MYLK2: variants seen among roughly 807,000 people sequenced by gnomAD.
MYLK2 encodes the protein myosin light chain kinase 2, skeletal/cardiac muscle.
In MYLK2, 27 loss-of-function variants were observed where a neutral mutation model predicts 58.2. The observed-to-expected ratio is 0.46, with a 90% confidence interval of 0.34 to 0.64. The LOEUF (loss-of-function observed/expected upper bound fraction) is 0.64. Among genes scored for constraint, MYLK2 ranks in the 30% least tolerant of loss-of-function variants. MYLK2 has a pLI of 0.01. For synonymous variants in MYLK2, 310 were observed against 296.7 expected (o/e 1.04, Z -0.46); for missense variants, 676 against 764.3 (o/e 0.88, Z 1.36).
Position 31,826,954 on chromosome 20 carries a change from C to A in MYLK2, c.1224+16C>A. 6.2e-7 allele frequency: 1 copy of A among 1,613,976 alleles called. No individual in the cohort carries two copies. Among genetic ancestry groups the A allele is most frequent in the Non-Finnish European group, 8.5e-7 (1 of 1,179,982 alleles). On this transcript the variant is annotated intron_variant, in intron 8 of 12. Coordinates refer to ENST00000375985, the MANE Select transcript of MYLK2 (RefSeq NM_033118.4). ...GGACCTCAAGGTACCAGACTGGGGC[C>A]TCCTGGGAAGGGTCAGGGGCAGCCT...
At chr20:31,831,262 G>T in intron 10 of MYLK2, 121 bp downstream of exon 10, 2 of 1,442,590 alleles carry the variant, frequency 1.4e-6, no homozygotes, top group East Asian at 4.6e-5. Context: ...CTCAGTCAGG[G>T]GTTTGCTGGG....
chr20:31,826,439 T>G (rs1600410626), intron 6 of MYLK2, among the ~76,000 whole-genome samples, 166 bp from the exon 7 acceptor site: 15 of 132,838 alleles, frequency 1.1e-4, no homozygotes, highest in South Asian at 7.5e-4. Flanking sequence ...GACTTGGGAG[T>G]GGTGAGGACC....
In MYLK2 at chr20:31,834,316, A is replaced by G. The variant is rs889718539; in HGVS notation, c.*519A>G. The G allele has an allele frequency of 2.4e-5, 4 of 168,084 alleles. No individual in the cohort carries two copies. Among genetic ancestry groups the G allele is most frequent in the Admixed American group, 1.1e-4 (2 of 17,848 alleles). The allele number at this position is 168,084 out of a possible 1,614,324, so 10.4% of individuals were successfully genotyped here. ...CAGGGAAGACAGAGCAGGCTTTGTG[A>G]GAGAGGACCTCCATGCCCCCGCCAC... On this transcript the variant is annotated 3_prime_UTR_variant, in exon 13 of 13. Transcript: ENST00000375985.
At chr20:31,825,825 A>G (rs575558976) in intron 6 of MYLK2, among the ~76,000 whole-genome samples, 1 of 152,338 alleles carries the variant, frequency 6.6e-6, no homozygotes, top group Non-Finnish European at 1.5e-5. Flanking sequence ...GCCATTTCTC[A>G]TGGTGTAAGT....
chr20:31,828,790 A>T (rs1238660037), intron 8 of MYLK2: 2 of 919,588 alleles, frequency 2.2e-6, no homozygotes, highest in African/African-American at 1.8e-5. Context: ...GTGTGTTAAT[A>T]TCACTGCCAC....
At chr20:31,824,530 G>A in intron 6 of MYLK2, 178 bp downstream of exon 6, 1 of 985,438 alleles carries the variant, frequency 1.0e-6, no homozygotes, top group Non-Finnish European at 1.2e-6. Context: ...GGGGCCTGAG[G>A]ACCCTACCCA....
rs1214130440 is a variant in MYLK2 at position 31,824,347 on chromosome 20, G to T, written c.967G>T (p.Asp323Tyr). The T allele has an allele frequency of 8.7e-6, 14 of 1,611,530 alleles. No homozygotes were observed. Among genetic ancestry groups the T allele is most frequent in the Middle Eastern group, 1.6e-4 (1 of 6,082 alleles). ...GGTCATCAAGAAACAGACTCCCAAA[G>T]ACAAGGTAGTGAGGTTGCGGGGGTG... ...AKVIKKQTPK[D>Y]KEMVLLEIEV... is the part of the protein sequence containing the mutation. The change falls in exon 6 of 13, where the codon GAC becomes TAC. Residue 323 changes from aspartate to tyrosine, a missense_variant. Physicochemically the swap from Asp to Tyr is radical, Grantham distance 160. Around this residue, in one of 2 missense-constraint regions of MYLK2, gnomAD observed 370 missense variants for 467.8 expected, o/e 0.79. Coordinates refer to ENST00000375985, the MANE Select transcript of MYLK2 (RefSeq NM_033118.4).
chr20:31,819,591 A>G lies in MYLK2; in HGVS notation c.11A>G (p.Glu4Gly), dbSNP rs1302436028. 1 of 1,551,572 alleles carries G rather than the reference A, an allele frequency of 6.4e-7. No homozygotes were observed. The highest frequency in any genetic ancestry group is 2.4e-5 in the East Asian group (1 of 40,920). The change falls in exon 2 of 13, where the codon GAA becomes GGA. Residue 4 changes from glutamate (E) to glycine (G), a missense_variant. Coordinates refer to ENST00000375985, the MANE Select transcript of MYLK2 (RefSeq NM_033118.4). Reference protein sequence around the residue: MATENGAVELGIQN... With the variant: MATGNGAVELGIQN... ...ACGCCTCCCTACCTCATGGCGACAG[A>G]AAATGGAGCAGTTGAGCTGGGAATT...
intron 4 of MYLK2, 134 bp downstream of exon 4, chr20:31,821,871 G>A: frequency 1.4e-6 from 1 of 729,288 alleles, no homozygotes; most frequent in East Asian, 2.7e-5. Flanking sequence ...ATTCATCTAA[G>A]GGTCACACAA....
chr20:31,830,962 G>C (rs1334768754), intron 9 of MYLK2, 51 bp from the exon 10 acceptor site: 1 of 1,614,074 alleles, frequency 6.2e-7, no homozygotes, highest in Non-Finnish European at 8.5e-7. Flanking sequence ...GGTGGAGGGG[G>C]CATGGGTATA....
At chr20:31,829,617 T>C (rs978963721) in intron 8 of MYLK2, among the ~76,000 whole-genome samples, 2 of 152,166 alleles carry the variant, frequency 1.3e-5, no homozygotes, top group Admixed American at 6.5e-5. Flanking sequence ...CAGGGGGTGG[T>C]GGCGACCATG....
In MYLK2 at chr20:31,833,844, G is replaced by C. The variant is rs1449615308; in HGVS notation, c.*47G>C. The C allele has an allele frequency of 5.1e-6, 8 of 1,565,082 alleles. No homozygotes were observed. In the Admixed American group the frequency reaches 1.2e-4, roughly 23 times the overall value. On this transcript the variant is annotated 3_prime_UTR_variant, in exon 13 of 13. Transcript: ENST00000375985. The stretch of plus-strand genomic sequence containing the variant: ...TGGACGCAGCCACACAGTGGCCGGG[G>C]CTGAAGCCACACAGCCCAGAAGGCC...
intron 6 of MYLK2, among the ~76,000 whole-genome samples, chr20:31,825,427 C>A (rs2062273853): frequency 6.6e-6 from 1 of 152,150 alleles, no homozygotes; most frequent in African/African-American, 2.4e-5. Context: ...TTCAGTGGGT[C>A]AGGGGCTGGG....
intron 4 of MYLK2, among the ~76,000 whole-genome samples, chr20:31,823,180 A>C (rs1287797090): frequency 6.6e-6 from 1 of 152,242 alleles, no homozygotes; most frequent in Non-Finnish European, 1.5e-5. Context: ...AAATGCAGAT[A>C]GCTTGGGATG....
At chr20:31,831,969 T>G (rs773620773) in intron 11 of MYLK2, 35 bp from the exon 12 acceptor site, 2 of 1,612,584 alleles carry the variant, frequency 1.2e-6, no homozygotes, top group Non-Finnish European at 1.7e-6. Flanking sequence ...CTCACGAGCA[T>G]GCAGCCCACC....
intron 9 of MYLK2, 46 bp downstream of exon 9, chr20:31,830,935 G>T (rs749385016): frequency 2.5e-6 from 4 of 1,612,494 alleles, no homozygotes; most frequent in Non-Finnish European, 3.4e-6. Context: ...CTCTGAGTTG[G>T]CAGGGGACAG....
At chr20:31,823,318 G>A (rs928286724) in intron 4 of MYLK2, among the ~76,000 whole-genome samples, 159 bp from the exon 5 acceptor site, 8 of 152,296 alleles carry the variant, frequency 5.3e-5, no homozygotes, top group Non-Finnish European at 1.0e-4. Flanking sequence ...ATTGGAAACT[G>A]GGCCCCATAG....
intron 10 of MYLK2, 96 bp downstream of exon 10, chr20:31,831,237 C>T (rs2062305039): frequency 6.4e-7 from 1 of 1,564,344 alleles, no homozygotes; most frequent in Non-Finnish European, 8.8e-7. Flanking sequence ...TAAGGTGGTC[C>T]CACCTCCCCT....
intron 4 of MYLK2, 113 bp from the exon 5 acceptor site, chr20:31,823,364 C>T (rs2062260924): frequency 1.1e-6 from 1 of 920,278 alleles, no homozygotes; most frequent in Non-Finnish European, 1.7e-6. Flanking sequence ...CCAGGTATCA[C>T]TTGGTGAACT....
Sources: gnomAD v4.1 joint callset for allele counts (sites outside exome capture counted in the v4.1 genomes callset) on GRCh38, gnomAD v4.1.1 for gene constraint, gnomAD v4.1.1 regional missense constraint, MANE v1.5 for transcripts, NCBI Gene and HGNC (gene_info 2026-07-23, HGNC 2026-07-21) for gene names.